Variants in ADGRG4 observed in about 807,000 individuals in gnomAD.
The protein encoded by ADGRG4 is G protein-coupled receptor 112.
A neutral mutation model predicts 126.2 loss-of-function variants in ADGRG4; 122 were observed. That is an observed-to-expected ratio of 0.97 (90% CI 0.83 to 1.12). The LOEUF is 1.12. ADGRG4 is among the 50% of genes most tolerant of loss of function. The probability of loss-of-function intolerance (pLI) is 0.00; values close to 1 mark genes in which losing one functional copy is unlikely to be tolerated. For synonymous variants in ADGRG4, 943 were observed against 838.7 expected (o/e 1.12, Z -2.15); for missense variants, 2,481 against 2,251.8 (o/e 1.10, Z -2.06).
intron 4 of ADGRG4, among the ~76,000 whole-genome samples, chrX:136,313,389 C>A (rs943942903): frequency 8.9e-5 from 10 of 112,511 alleles, no homozygotes; most frequent in Non-Finnish European, 1.7e-4. Flanking sequence ...TTTTGATGTG[C>A]ATTTCCCTAT....
chrX:136,341,747 A>G (rs1415185914), intron 5 of ADGRG4, among the ~76,000 whole-genome samples: 1 of 111,771 alleles, frequency 8.9e-6, no homozygotes. Context: ...CTATACAGTC[A>G]ATTGGAAGAT....
Position 136,349,554 on chromosome X carries a change from G to A in ADGRG4, c.5848G>A (p.Gly1950Arg), listed in dbSNP as rs746051508. The A allele has an allele frequency of 9.1e-6, 11 of 1,209,601 alleles. No homozygotes were observed. Among genetic ancestry groups the A allele is most frequent in the Non-Finnish European group, 7.8e-6 (7 of 894,112 alleles). ...TATGTCAGGAATTCTTCCTAACCAT[G>A]GGCTTTCTGAGAACCCTTCATTATC... The part of the protein sequence containing the change: ...IPMSGILPNH[G>R]LSENPSLSTS... The change falls in exon 6 of 26, where the codon GGG becomes AGG. Residue 1950 changes from glycine (G) to arginine (R), a missense_variant. Coordinates refer to ENST00000394143, the MANE Select transcript of ADGRG4 (RefSeq NM_153834.4).
At chrX:136,400,321 A>G (rs2075373320) in intron 21 of ADGRG4, among the ~76,000 whole-genome samples, 1 of 111,511 alleles carries the variant, frequency 9.0e-6, no homozygotes, top group South Asian at 3.7e-4. Flanking sequence ...ACAAATATTT[A>G]TTGAGCACTT....
rs761719795 is a variant in ADGRG4, at chrX:136,344,499, C to T, written c.793C>T (p.His265Tyr). 9.1e-6 allele frequency: 11 copies of T among 1,205,082 alleles called. No individual in the cohort carries two copies. The highest frequency in any genetic ancestry group is 1.2e-5 in the Non-Finnish European group (11 of 889,615). The change falls in exon 6 of 26, where the codon CAT becomes TAT. Residue 265 changes from histidine (H) to tyrosine (Y), a missense_variant. Transcript: ENST00000394143. ...ITGVKPQNTA[H>Y]SSTLLSQSIP... ...TGGAGTAAAACCACAAAATACTGCA[C>T]ATTCCTCTACACTATTGTCTCAAAG...
At chrX:136,316,812 T>C (rs767756535) in intron 4 of ADGRG4, among the ~76,000 whole-genome samples, 1 of 111,185 alleles carries the variant, frequency 9.0e-6, no homozygotes, top group South Asian at 3.8e-4. Flanking sequence ...ACTTTTGGGG[T>C]CTGACAGGGA....
At chrX:136,369,408 G>A (rs2075179275) in intron 13 of ADGRG4, among the ~76,000 whole-genome samples, 1 of 112,040 alleles carries the variant, frequency 8.9e-6, no homozygotes, top group Non-Finnish European at 1.9e-5. Context: ...TTTTGCTTGA[G>A]GACCAGGAAT....
At chrX:136,315,122 C>T (rs1158933768) in intron 4 of ADGRG4, among the ~76,000 whole-genome samples, 2 of 109,859 alleles carry the variant, frequency 1.8e-5, no homozygotes, top group Non-Finnish European at 3.8e-5. Flanking sequence ...TCTGGTAGGC[C>T]TGGTTTATCT....
At position 136,416,664 on chromosome X, in the gene ADGRG4, T is replaced by G. The variant is rs1259874420; in HGVS notation, c.*173T>G. The G allele has an allele frequency of 1.2e-5, 4 of 320,406 alleles. No individual in the cohort carries two copies. In the East Asian group the frequency reaches 1.5e-4, roughly 12 times the overall value. 26.4% of individuals were successfully genotyped at this position (320,406 alleles called of 1,213,427 possible). A position where few individuals can be genotyped will look rare whatever the true frequency, so the allele number is the denominator to read the frequency against. ...CTGTTCCACCAAAACCTATGGAAAT[T>G]TAAAAAAAACAAAAATAAAAAGCAA... On this transcript the variant is annotated 3_prime_UTR_variant, in exon 26 of 26. Coordinates refer to ENST00000394143, the MANE Select transcript of ADGRG4 (RefSeq NM_153834.4).
Position 136,397,932 on chromosome X carries a change from A to G in ADGRG4, c.8236A>G (p.Ile2746Val). 3.3e-6 allele frequency: 4 copies of G among 1,197,414 alleles called. No individual in the cohort carries two copies. Among genetic ancestry groups the G allele is most frequent in the Non-Finnish European group, 4.5e-6 (4 of 882,318 alleles). Residue 2746 changes from isoleucine (I) to valine (V), a missense_variant, in exon 20 of 26, where the codon ATA (isoleucine) becomes GTA (valine). Ile to Val is a conservative substitution (Grantham distance 29). Transcript: ENST00000394143. ...AGTGAATGAACAGATATTAGCGCTT[A>G]TAACATACACCGGATGTGGAATCTC... Reference protein sequence around the residue: ...DSVNEQILALITYTGCGISSI... With the variant: ...DSVNEQILALVTYTGCGISSI...
In ADGRG4 at chrX:136,416,606, A is replaced by T. The variant is rs2075476893; in HGVS notation, c.*115A>T. 5.9e-6 allele frequency: 3 copies of T among 508,292 alleles called. No homozygotes were observed. The highest frequency in any genetic ancestry group is 9.7e-6 in the Non-Finnish European group (3 of 307,919). The allele number at this position is 508,292 out of a possible 1,213,427, so 41.9% of individuals were successfully genotyped here. A position where few individuals can be genotyped will look rare whatever the true frequency, so the allele number is the denominator to read the frequency against. Reference sequence around the variant, plus strand: ...GTGCACCAAAATCTCACAAATCACCACTAAATAATGTACTCATGTAACCAA... The same window carrying T: ...GTGCACCAAAATCTCACAAATCACCTCTAAATAATGTACTCATGTAACCAA... On this transcript the variant is annotated 3_prime_UTR_variant, in exon 26 of 26. Transcript: ENST00000394143.
chrX:136,368,496 T>A (rs978395818), intron 13 of ADGRG4, among the ~76,000 whole-genome samples: 1 of 111,977 alleles, frequency 8.9e-6, no homozygotes, highest in South Asian at 3.7e-4. Flanking sequence ...CACTCTCATT[T>A]GAGATGCTTC....
At chrX:136,332,170 A>G (rs1249028537) in intron 5 of ADGRG4, among the ~76,000 whole-genome samples, 1 of 62,427 alleles carries the variant, frequency 1.6e-5, no homozygotes, top group Non-Finnish European at 3.0e-5. Flanking sequence ...ACCACCCCAC[A>G]ACAGTCCCCA....
At chrX:136,326,242 C>T (rs1011433209) in intron 5 of ADGRG4, among the ~76,000 whole-genome samples, 2 of 112,380 alleles carry the variant, frequency 1.8e-5, no homozygotes, top group South Asian at 3.7e-4. Flanking sequence ...ACAAAGCCCC[C>T]GAAATCACAA....
chrX:136,395,122 A>G (rs2075339432), intron 18 of ADGRG4, among the ~76,000 whole-genome samples: 1 of 111,034 alleles, frequency 9.0e-6, no homozygotes, highest in South Asian at 3.8e-4. Context: ...AAAAAAGTTC[A>G]TGGTTAGAGT....
intron 23 of ADGRG4, among the ~76,000 whole-genome samples, chrX:136,408,235 G>C (rs1198935047): frequency 8.9e-6 from 1 of 112,076 alleles, no homozygotes; most frequent in African/African-American, 3.2e-5. Flanking sequence ...ATTTATTTCA[G>C]ATTCAGGGGG....
chrX:136,395,048 T>C (rs750069283), intron 18 of ADGRG4, among the ~76,000 whole-genome samples: 3 of 110,910 alleles, frequency 2.7e-5, no homozygotes, highest in Non-Finnish European at 3.8e-5. Flanking sequence ...CAGCTTATAT[T>C]CCATACGTCC....
At chrX:136,357,203 C>T (rs2075100056) in intron 9 of ADGRG4, among the ~76,000 whole-genome samples, 1 of 111,591 alleles carries the variant, frequency 9.0e-6, no homozygotes, top group Non-Finnish European at 1.9e-5. Context: ...GGAACCCCTG[C>T]TTTTCCACTT....
intron 9 of ADGRG4, among the ~76,000 whole-genome samples, chrX:136,357,065 A>G (rs1479261337): frequency 1.8e-5 from 2 of 112,496 alleles, no homozygotes; most frequent in East Asian, 5.6e-4. Flanking sequence ...TATCATTAAA[A>G]ATATTTTCTG....
intron 8 of ADGRG4, 79 bp downstream of exon 8, chrX:136,353,480 C>T (rs1603295758): frequency 1.5e-6 from 1 of 657,719 alleles, no homozygotes; most frequent in Non-Finnish European, 2.5e-6. Context: ...AGGGGATGTC[C>T]TATGTTTATG....
Sources: allele counts gnomAD v4.1 joint callset (sites outside exome capture counted in the v4.1 genomes callset), GRCh38; gene constraint gnomAD v4.1.1; transcripts MANE v1.5; gene names NCBI Gene and HGNC (gene_info 2026-07-23, HGNC 2026-07-21).